OR1J2: variants seen among roughly 807,000 people sequenced by gnomAD.
OR1J2 encodes olfactory receptor family 1 subfamily J member 2.
For missense variants in OR1J2, 304 were observed against 246.1 expected, an observed-to-expected ratio of 1.24 and a Z score of -1.57; for synonymous variants, 142 against 99.7, an observed-to-expected ratio of 1.42 and a Z score of -2.52.
upstream of OR1J2, among the ~76,000 whole-genome samples, chr9:122,510,402 G>A (rs1588189186): frequency 1.3e-5 from 2 of 152,168 alleles, no homozygotes; most frequent in African/African-American, 2.4e-5. Flanking sequence ...AGTAACATTT[G>A]CCTCAATGCT....
At chr9:122,505,974 A>G (rs1828518596), upstream of OR1J2, among the ~76,000 whole-genome samples, 1 of 152,170 alleles carries the variant, frequency 6.6e-6, no homozygotes. Flanking sequence ...GAAAAAGATG[A>G]TGATCTCTGC....
the OR1J2 span, among the ~76,000 whole-genome samples, chr9:122,542,856 A>C: frequency 1.3e-5 from 2 of 152,202 alleles, no homozygotes; most frequent in African/African-American, 4.8e-5. Context: ...GAGTCAAATT[A>C]ATAGAATCTT....
the OR1J2 span, among the ~76,000 whole-genome samples, chr9:122,496,289 T>C: frequency 6.6e-6 from 1 of 152,110 alleles, no homozygotes; most frequent in Non-Finnish European, 1.5e-5. Context: ...GCCATAGAGC[T>C]ACCAAGAGAT....
chr9:122,476,971 G>A, the OR1J2 span: 2 of 1,412,480 alleles, frequency 1.4e-6, no homozygotes, highest in Admixed American at 1.7e-5. Flanking sequence ...GCCTCCCAAA[G>A]TGTTGAGATT....
At chr9:122,486,639 G>T in the OR1J2 span, among the ~76,000 whole-genome samples, 1 of 152,190 alleles carries the variant, frequency 6.6e-6, no homozygotes, top group African/African-American at 2.4e-5. Flanking sequence ...CTGCTGTGAT[G>T]CAATTTATAT....
the OR1J2 span, among the ~76,000 whole-genome samples, chr9:122,474,637 G>A: frequency 2.0e-5 from 3 of 152,212 alleles, no homozygotes. Flanking sequence ...TCATGCTTAC[G>A]TGTCTGAGAT....
At chr9:122,459,370 T>C in the OR1J2 span, among the ~76,000 whole-genome samples, 6 of 152,200 alleles carry the variant, frequency 3.9e-5, no homozygotes, top group Non-Finnish European at 7.4e-5. Flanking sequence ...AATTTACATA[T>C]GTTTCTACAA....
At chr9:122,578,672 G>A in the OR1J2 span, among the ~76,000 whole-genome samples, 38,791 of 150,288 alleles carry the variant, frequency 0.26, 5,405 homozygotes, top group African/African-American at 0.32. Context: ...TGGAACTGGA[G>A]ACAATTTTCC....
chr9:122,464,102 G>A, the OR1J2 span, among the ~76,000 whole-genome samples: 2 of 152,210 alleles, frequency 1.3e-5, no homozygotes, highest in Non-Finnish European at 2.9e-5. Context: ...CTCGCCTTTG[G>A]TGAGGCTTGC....
At chr9:122,580,261 A>G in the OR1J2 span, among the ~76,000 whole-genome samples, 2 of 152,358 alleles carry the variant, frequency 1.3e-5, no homozygotes, top group South Asian at 2.1e-4. Context: ...TAAATTTCAT[A>G]TAAGTGCACC....
At chr9:122,565,652 G>A in the OR1J2 span, among the ~76,000 whole-genome samples, 1 of 152,236 alleles carries the variant, frequency 6.6e-6, no homozygotes, top group Non-Finnish European at 1.5e-5. Context: ...CATAGAAGAA[G>A]TATGGATCCC....
At chr9:122,491,915 G>A in the OR1J2 span, among the ~76,000 whole-genome samples, 1 of 152,228 alleles carries the variant, frequency 6.6e-6, no homozygotes, top group East Asian at 1.9e-4. Flanking sequence ...TCAGAGACTG[G>A]ATAGATTTAT....
At chr9:122,510,693 CTG>C, upstream of OR1J2, 2 of 699,498 alleles carry the variant, frequency 2.9e-6, no homozygotes. Context: ...GTTCCTCTCC[CTG>C]TGTCTATGTT....
chr9:122,477,152 A>G, the OR1J2 span: 1 of 1,614,246 alleles, frequency 6.2e-7, no homozygotes, highest in Non-Finnish European at 8.5e-7. Context: ...GGAAGAAAAT[A>G]GAGACCAATA....
downstream of OR1J2, among the ~76,000 whole-genome samples, chr9:122,513,700 A>G (rs1054358523): frequency 1.4e-5 from 2 of 147,652 alleles, no homozygotes; most frequent in African/African-American, 5.0e-5. Context: ...CTTGCTCCCC[A>G]CCCCCCGACA....
chr9:122,510,201 GAAA>G (rs2119377593), upstream of OR1J2, among the ~76,000 whole-genome samples: 1 of 152,256 alleles, frequency 6.6e-6, no homozygotes, highest in South Asian at 2.1e-4. Context: ...CCTCTCATCT[GAAA>G]TTTAACCATG....
At chr9:122,477,286 A>G in the OR1J2 span, 3 of 1,614,074 alleles carry the variant, frequency 1.9e-6, no homozygotes, top group African/African-American at 2.7e-5. Flanking sequence ...AGAAACCAGG[A>G]TGCACAGGAA....
chr9:122,580,419 G>T, the OR1J2 span, among the ~76,000 whole-genome samples: 1 of 152,132 alleles, frequency 6.6e-6, no homozygotes, highest in African/African-American at 2.4e-5. Context: ...TAAAACCATT[G>T]AATAATAACC....
the OR1J2 span, among the ~76,000 whole-genome samples, chr9:122,462,961 G>A: frequency 1.6e-3 from 239 of 152,242 alleles, no homozygotes; most frequent in Non-Finnish European, 3.0e-3. Context: ...GTATTTAGAT[G>A]TCTAGATCTC....
Sources: allele counts gnomAD v4.1 joint callset (sites outside exome capture counted in the v4.1 genomes callset), GRCh38; gene constraint gnomAD v4.1.1; transcripts MANE v1.5; gene names NCBI Gene and HGNC (gene_info 2026-07-23, HGNC 2026-07-21).